Variants in PRR5L observed in about 807,000 individuals in gnomAD.
PRR5L encodes the protein proline-rich protein 5-like.
PRR5L carries 21 observed loss-of-function variants against 36.4 expected under a neutral mutation model. The observed-to-expected ratio is 0.58, with a 90% confidence interval of 0.41 to 0.83. The LOEUF (loss-of-function observed/expected upper bound fraction) is 0.83. Ranked by LOEUF, PRR5L falls within the 40% of genes least tolerant of loss-of-function variation. The probability of loss-of-function intolerance (pLI) is 0.00; values close to 1 mark genes in which losing one functional copy is unlikely to be tolerated. For missense variants in PRR5L, 381 were observed against 473.3 expected, an observed-to-expected ratio of 0.80 and a Z score of 1.81; for synonymous variants, 188 against 197.0, an observed-to-expected ratio of 0.95 and a Z score of 0.38.
At chr11:36,447,923 A>C (rs1297450086) in intron 7 of PRR5L, among the ~76,000 whole-genome samples, 1 of 152,118 alleles carries the variant, frequency 6.6e-6, no homozygotes, top group Non-Finnish European at 1.5e-5. Flanking sequence ...CTGAATAAGG[A>C]GTCTTGAAAA....
chr11:36,390,695 C>T (rs1331654217), intron 1 of PRR5L, among the ~76,000 whole-genome samples: 2 of 152,056 alleles, frequency 1.3e-5, no homozygotes, highest in Admixed American at 1.3e-4. Flanking sequence ...GCATTTTAAC[C>T]CAGTAATCAT....
intron 1 of PRR5L, among the ~76,000 whole-genome samples, chr11:36,373,423 T>A (rs1204464266): frequency 6.6e-6 from 1 of 152,162 alleles, no homozygotes; most frequent in African/African-American, 2.4e-5. Flanking sequence ...CTGATTTCCA[T>A]GGAAATACTG....
chr11:36,434,638 G>A (rs1289014032), intron 5 of PRR5L, among the ~76,000 whole-genome samples: 1 of 152,116 alleles, frequency 6.6e-6, no homozygotes, highest in African/African-American at 2.4e-5. Context: ...CTAAACTGCT[G>A]CGTTACATTA....
At chr11:36,373,351 G>T (rs1303635256) in intron 1 of PRR5L, among the ~76,000 whole-genome samples, 1 of 152,124 alleles carries the variant, frequency 6.6e-6, no homozygotes, top group Non-Finnish European at 1.5e-5. Flanking sequence ...GTAGAATTTT[G>T]GTTAGAATTT....
Position 36,425,293 on chromosome 11 carries a change from G to A in PRR5L, c.294+5990G>A, listed in dbSNP as rs528603952. Among the ~76,000 whole-genome samples the A allele has an allele frequency of 7.9e-5, 12 of 152,258 alleles. No homozygotes were observed. In the South Asian group the frequency reaches 2.5e-3, roughly 32 times the overall value. On this transcript the variant is annotated intron_variant, in intron 4 of 8. Coordinates refer to ENST00000530639, the MANE Select transcript of PRR5L (RefSeq NM_001160167.2). ...TGCTGCCACTGAGGCTCAGAGATGG[G>A]GGTTATTTGTCTAAGATACAAATAC...
chr11:36,408,676 T>A (rs1857961284), intron 3 of PRR5L, among the ~76,000 whole-genome samples: 1 of 152,160 alleles, frequency 6.6e-6, no homozygotes. Context: ...GTTAGAGGTT[T>A]GGGTTTCATG....
chr11:36,299,073 C>A (rs1856345495), intron 1 of PRR5L, among the ~76,000 whole-genome samples: 1 of 152,216 alleles, frequency 6.6e-6, no homozygotes, highest in East Asian at 1.9e-4. Flanking sequence ...GAGGCCACAA[C>A]AAGTGCTGTC....
intron 1 of PRR5L, chr11:36,361,970 T>G (rs757919196): frequency 5.3e-5 from 8 of 151,250 alleles, no homozygotes; most frequent in Admixed American, 2.0e-4. Context: ...TCCTTTCAGT[T>G]TGGAGGATGC....
chr11:36,359,642 T>C (rs1397048452), intron 1 of PRR5L, among the ~76,000 whole-genome samples: 1 of 152,146 alleles, frequency 6.6e-6, no homozygotes, highest in East Asian at 1.9e-4. Context: ...CCAGAGCAGA[T>C]GCCATGAAGA....
chr11:36,462,203 C>A, intron 8 of PRR5L, 139 bp from the exon 9 acceptor site: 2 of 763,350 alleles, frequency 2.6e-6, no homozygotes, highest in Non-Finnish European at 3.9e-6. Context: ...AGATTCCTCC[C>A]TTGCATTGTG....
At chr11:36,308,877 C>T (rs1856464823) in intron 1 of PRR5L, among the ~76,000 whole-genome samples, 1 of 152,220 alleles carries the variant, frequency 6.6e-6, no homozygotes, top group Non-Finnish European at 1.5e-5. Context: ...GCCCTTTCTC[C>T]CTGTGCTCCA....
At chr11:36,333,232 A>C (rs1856736625) in intron 1 of PRR5L, among the ~76,000 whole-genome samples, 1 of 152,232 alleles carries the variant, frequency 6.6e-6, no homozygotes, top group Non-Finnish European at 1.5e-5. Context: ...AAGACTGACA[A>C]TACCAGGTAT....
At chr11:36,448,699 C>A (rs947146832) in intron 7 of PRR5L, among the ~76,000 whole-genome samples, 1 of 152,198 alleles carries the variant, frequency 6.6e-6, no homozygotes, top group Admixed American at 6.5e-5. Context: ...TCATGTAGGG[C>A]TTCTTCTCTT....
At chr11:36,355,377 T>G (rs1385503843) in intron 1 of PRR5L, among the ~76,000 whole-genome samples, 1 of 152,184 alleles carries the variant, frequency 6.6e-6, no homozygotes, top group Non-Finnish European at 1.5e-5. Context: ...CAGACAGTTC[T>G]AAGCATATTG....
chr11:36,350,280 T>A (rs1005347179), intron 1 of PRR5L, among the ~76,000 whole-genome samples: 14 of 148,470 alleles, frequency 9.4e-5, no homozygotes, highest in African/African-American at 3.5e-4. Context: ...GATGTGTGAG[T>A]CTGTGAATGT....
chr11:36,451,315 C>T lies in PRR5L; in HGVS notation c.692C>T (p.Ser231Leu). The change falls in exon 8 of 9, where the codon TCA becomes TTA. Residue 231 changes from serine to leucine, a missense_variant. Coordinates refer to ENST00000530639, the MANE Select transcript of PRR5L (RefSeq NM_001160167.2). ...GGCATCAGCGGGGACCGTAGCTTCT[C>T]AGGCCCCACGTACACGCTGGGTAAG... The part of the protein sequence containing the change: ...FLGISGDRSF[S>L]GPTYTLARRH... 6.2e-7 allele frequency: 1 copy of T among 1,614,222 alleles called. No homozygotes were observed. The highest frequency in any genetic ancestry group is 8.5e-7 in the Non-Finnish European group (1 of 1,180,040).
intron 1 of PRR5L, among the ~76,000 whole-genome samples, chr11:36,334,869 G>T (rs12418232): frequency 0.1 from 15,649 of 152,114 alleles, 1,520 homozygotes; most frequent in African/African-American, 0.26. Context: ...AATTCATATT[G>T]TTAATTGATC....
At chr11:36,433,514 C>T (rs992054767) in intron 5 of PRR5L, among the ~76,000 whole-genome samples, 5 of 152,154 alleles carry the variant, frequency 3.3e-5, no homozygotes, top group African/African-American at 1.2e-4. Context: ...GGGGCTTATT[C>T]TTAGGTGACT....
Position 36,401,233 on chromosome 11 carries a change from T to C in PRR5L, c.112T>C (p.Phe38Leu). 6.2e-7 allele frequency: 1 copy of C among 1,613,770 alleles called. No individual in the cohort carries two copies. Among genetic ancestry groups the C allele is most frequent in the Non-Finnish European group, 8.5e-7 (1 of 1,179,968 alleles). The change falls in exon 2 of 9, where the codon TTC becomes CTC. Residue 38 changes from phenylalanine (F) to leucine (L), a missense_variant. Physicochemically the swap from Phe to Leu is conservative, Grantham distance 22 (BLOSUM62 0). Coordinates refer to ENST00000530639, the MANE Select transcript of PRR5L (RefSeq NM_001160167.2). ...SSPVLSDLPR[F>L]QAARQALQLS... ...CCCCGTGCTCAGCGACCTTCCCCGA[T>C]TCCAAGCAGCTCGGCAGGCTCTGCA...
Sources: gnomAD v4.1 joint callset for allele counts (sites outside exome capture counted in the v4.1 genomes callset) on GRCh38, gnomAD v4.1.1 for gene constraint, MANE v1.5 for transcripts, NCBI Gene and HGNC (gene_info 2026-07-23, HGNC 2026-07-21) for gene names.